MLPH: variants seen among roughly 807,000 people sequenced by gnomAD.
MLPH encodes the protein exophilin-3.
MLPH carries 51 observed loss-of-function variants against 72.1 expected under a neutral mutation model. The observed-to-expected ratio is 0.71, with a 90% CI of 0.56 to 0.89. The LOEUF (loss-of-function observed/expected upper bound fraction) is 0.89, where lower values mean the gene tolerates loss of function less well. Ranked by LOEUF, MLPH falls within the 40% of genes least tolerant of loss-of-function variation. The pLI is 0.00. For synonymous variants in MLPH, 301 were observed against 310.1 expected, an observed-to-expected ratio of 0.97 and a Z score of 0.31; for missense variants, 743 against 759.9, an observed-to-expected ratio of 0.98 and a Z score of 0.26.
At chr2:237,521,765 G>A (rs2080187773) in intron 6 of MLPH, among the ~76,000 whole-genome samples, 1 of 126,820 alleles carries the variant, frequency 7.9e-6, no homozygotes, top group Non-Finnish European at 1.5e-5. Context: ...GCTGGGACTG[G>A]GGTTGGGCCT....
At position 237,541,108 on chromosome 2, in the gene MLPH, G is replaced by A; in HGVS notation, c.1446+151G>A. The A allele has an allele frequency of 9.2e-7, 1 of 1,087,480 alleles. No homozygotes were observed. Among genetic ancestry groups the A allele is most frequent in the Non-Finnish European group, 1.4e-6 (1 of 731,630 alleles). 67.4% of individuals were successfully genotyped at this position (1,087,480 alleles called of 1,614,324 possible). A position where few individuals can be genotyped will look rare whatever the true frequency, so the allele number is the denominator to read the frequency against. On this transcript the variant is annotated intron_variant, in intron 11 of 15. Transcript: ENST00000264605. The surrounding 1 kb of genome is among the most constrained non-coding windows in gnomAD (Gnocchi z 5.1). ...ATGCACGGCTCTGAAGGCCAGGCAT[G>A]AACCTGGGGGTTTCTGGGGGACTCA... is the stretch of plus-strand genomic sequence containing the variant.
intron 2 of MLPH, among the ~76,000 whole-genome samples, chr2:237,500,618 C>A (rs77957237): frequency 2.0e-5 from 3 of 152,112 alleles, no homozygotes; most frequent in African/African-American, 7.2e-5. Context: ...CACGACACTG[C>A]GGCCAAAGTG....
intron 4 of MLPH, among the ~76,000 whole-genome samples, chr2:237,516,918 T>TGGATGGATGGTA (rs1206340332): frequency 7.0e-5 from 10 of 143,192 alleles, no homozygotes; most frequent in African/African-American, 2.6e-4. Context: ...GATGGTAGGA[T>TGGATGGATGGTA]GGATGGATGG....
intron 4 of MLPH, among the ~76,000 whole-genome samples, chr2:237,515,895 T>C (rs2080007257): frequency 6.6e-6 from 1 of 152,182 alleles, no homozygotes; most frequent in African/African-American, 2.4e-5. Context: ...TCTCACTCAC[T>C]GCGAGCCGAG....
intron 8 of MLPH, among the ~76,000 whole-genome samples, chr2:237,528,700 AT>A (rs938560376): frequency 8.6e-5 from 13 of 151,938 alleles, no homozygotes; most frequent in African/African-American, 2.9e-4. Flanking sequence ...CCTCTCTCTA[AT>A]TCCAAAACAA....
In MLPH at chr2:237,553,572, G is replaced by C; in HGVS notation, c.1783G>C (p.Val595Leu). ...GTGTGTTTGTACTTTACAGAAACCT[G>C]TGGTGGCCCACCAGTCCTAACGGGA... ...GMASHTFAKPVVAHQS is the reference protein window; with the variant it reads ...GMASHTFAKPLVAHQS Residue 595 changes from valine (V) to leucine (L), a missense_variant, in exon 16 of 16, where the codon GTG (valine) becomes CTG (leucine). Val to Leu is a conservative substitution (Grantham distance 32). Transcript: ENST00000264605. The C allele has an allele frequency of 6.2e-7, 1 of 1,614,182 alleles. No homozygotes were observed. Among genetic ancestry groups the C allele is most frequent in the South Asian group, 1.1e-5 (1 of 91,082 alleles).
intron 13 of MLPH, among the ~76,000 whole-genome samples, chr2:237,547,179 C>A (rs1473639778): frequency 6.6e-6 from 1 of 152,260 alleles, no homozygotes; most frequent in Non-Finnish European, 1.5e-5. Context: ...GGCCTGGGGA[C>A]TTCTTCCATC....
chr2:237,495,108 A>G (rs979103806), intron 2 of MLPH, among the ~76,000 whole-genome samples: 3 of 152,020 alleles, frequency 2.0e-5, no homozygotes, highest in Non-Finnish European at 4.4e-5. Flanking sequence ...ATGTCTAACA[A>G]TGTCTCTTTC....
In MLPH at chr2:237,540,383, AGAG is replaced by A. The variant is rs528863829; in HGVS notation, c.1148_1150del (p.Glu383del). On this transcript the variant is annotated inframe_deletion, in exon 10 of 16. Transcript: ENST00000264605. ...CTGGAGTGCGCACGGAGGCCGATGT[AGAG>A]GAGGAGGCCCTGAGGAGGAAGCTGG... is the stretch of plus-strand genomic sequence containing the variant. 488 of 1,613,768 alleles carry A rather than the reference AGAG, an allele frequency of 3.0e-4. 2 individuals carry two copies. In the African/African-American group the frequency reaches 5.9e-3, roughly 19 times the overall value.
In MLPH at chr2:237,554,557, A is replaced by G. The variant is rs1248975577; in HGVS notation, c.*965A>G. On this transcript the variant is annotated 3_prime_UTR_variant, in exon 16 of 16. Coordinates refer to ENST00000264605, the MANE Select transcript of MLPH (RefSeq NM_024101.7). ...ATCCAGTTTTAAGTGGAGCCCTCCA[A>G]GACTCTCCAGAGCTGCCTTTGAACA... 1 of 152,748 alleles carries G rather than the reference A, an allele frequency of 6.5e-6. No homozygotes were observed. Among genetic ancestry groups the G allele is most frequent in the Admixed American group, 6.5e-5 (1 of 15,320 alleles). The allele number at this position is 152,748 out of a possible 1,614,324, so 9.5% of individuals were successfully genotyped here.
At chr2:237,542,401 G>C (rs564266133) in intron 11 of MLPH, among the ~76,000 whole-genome samples, 166 bp from the exon 12 acceptor site, 10 of 152,266 alleles carry the variant, frequency 6.6e-5, no homozygotes, top group African/African-American at 2.2e-4. Context: ...AAATGCCAAG[G>C]GGACCACCAA....
intron 6 of MLPH, 115 bp from the exon 7 acceptor site, chr2:237,525,486 C>A (rs1559358250): frequency 1.0e-6 from 1 of 995,326 alleles, no homozygotes; most frequent in Non-Finnish European, 1.6e-6. Context: ...GTGCCTAGTG[C>A]TGGGTCAGTC....
intron 6 of MLPH, among the ~76,000 whole-genome samples, chr2:237,520,549 T>G (rs1269235913): frequency 6.6e-6 from 1 of 152,236 alleles, no homozygotes; most frequent in Non-Finnish European, 1.5e-5. Context: ...ACAGGACATG[T>G]GGCCGCCTTA....
At chr2:237,504,859 G>A in intron 2 of MLPH, among the ~76,000 whole-genome samples, 1 of 152,224 alleles carries the variant, frequency 6.6e-6, no homozygotes, top group South Asian at 2.1e-4. Context: ...ACTCATGGTC[G>A]AAAACTTCAC....
At chr2:237,509,219 C>G (rs76911842) in intron 2 of MLPH, among the ~76,000 whole-genome samples, 2,209 of 152,328 alleles carry the variant, frequency 0.015, 23 homozygotes, top group Non-Finnish European at 0.025. Context: ...TCTCCTTTCC[C>G]CTAATTTCAG....
chr2:237,540,494 G>A lies in MLPH; in HGVS notation c.1251G>A (p.Arg417=), dbSNP rs1485617373. The A allele has an allele frequency of 3.7e-6, 6 of 1,612,644 alleles. No individual in the cohort carries two copies. In the African/African-American group the frequency reaches 8.0e-5, roughly 22 times the overall value. Residue 417 remains arginine (R), a synonymous_variant, in exon 10 of 16, where the codon AGG becomes AGA. Transcript: ENST00000264605. ...AGGACGAAAAGGCAGAGCCCAACAGGGACAAATCAGTTGGGCCTCTCCCCC... is the reference window on the plus strand; with the variant it reads ...AGGACGAAAAGGCAGAGCCCAACAGAGACAAATCAGTTGGGCCTCTCCCCC... The part of the protein sequence containing the change: ...EAKDEKAEPN[R]DKSVGPLPQA...
chr2:237,529,465 T>C (rs1003096558), intron 8 of MLPH, among the ~76,000 whole-genome samples: 4 of 152,236 alleles, frequency 2.6e-5, no homozygotes, highest in African/African-American at 9.6e-5. Context: ...AAGATTCAAG[T>C]GCCCTGAGTT....
intron 7 of MLPH, 37 bp downstream of exon 7, chr2:237,525,842 G>A (rs759517963): frequency 1.1e-5 from 17 of 1,590,288 alleles, no homozygotes; most frequent in Admixed American, 5.0e-5. Context: ...TGATGGGCTC[G>A]GCATGGGGGA....
intron 14 of MLPH, among the ~76,000 whole-genome samples, chr2:237,550,540 G>A (rs2081011035): frequency 6.6e-6 from 1 of 152,092 alleles, no homozygotes; most frequent in East Asian, 1.9e-4. Flanking sequence ...AAATCCAGGT[G>A]GAGATTCTTG....
Sources: gnomAD v4.1 joint callset for allele counts (sites outside exome capture counted in the v4.1 genomes callset) on GRCh38, gnomAD v4.1.1 for gene constraint, Gnocchi (gnomAD v3.1) non-coding constraint, MANE v1.5 for transcripts, NCBI Gene and HGNC (gene_info 2026-07-23, HGNC 2026-07-21) for gene names.